IL5RA: variants seen among roughly 807,000 people sequenced by gnomAD.
IL5RA encodes the protein interleukin-5 receptor subunit alpha.
Under a neutral mutation model 50.0 loss-of-function variants are expected in IL5RA, and 49 were observed. That is an observed-to-expected ratio of 0.98 (90% CI 0.78 to 1.24). IL5RA has a LOEUF of 1.24. Ranked by LOEUF, IL5RA falls within the 50% of genes most tolerant of loss-of-function variation. The pLI, the probability that IL5RA is intolerant of heterozygous loss-of-function variation, is 0.00. For synonymous variants in IL5RA, 202 were observed against 174.0 expected, an observed-to-expected ratio of 1.16 and a Z score of -1.26; for missense variants, 600 against 500.4, an observed-to-expected ratio of 1.20 and a Z score of -1.90.
intron 5 of IL5RA, among the ~76,000 whole-genome samples, chr3:3,101,021 A>ATAC (rs1280381401): frequency 1.4e-5 from 2 of 141,872 alleles, no homozygotes; most frequent in African/African-American, 2.6e-5. Flanking sequence ...AATAATAATA[A>ATAC]TACAAAAATT....
At chr3:3,104,691 T>C (rs1375931302) in intron 3 of IL5RA, among the ~76,000 whole-genome samples, 1 of 152,204 alleles carries the variant, frequency 6.6e-6, no homozygotes, top group Non-Finnish European at 1.5e-5. Context: ...TGACTTTGAT[T>C]TCCCACTGTA....
intron 9 of IL5RA, among the ~76,000 whole-genome samples, chr3:3,084,295 C>G (rs1341528884): frequency 6.6e-6 from 1 of 152,110 alleles, no homozygotes; most frequent in Non-Finnish European, 1.5e-5. Flanking sequence ...AAGATAATTT[C>G]CCTTTCATCA....
chr3:3,072,174 G>A (rs1201235189), intron 11 of IL5RA, among the ~76,000 whole-genome samples: 2 of 152,224 alleles, frequency 1.3e-5, no homozygotes, highest in Admixed American at 1.3e-4. Context: ...GCCTCATGGG[G>A]CCCAGCTGTA....
intron 9 of IL5RA, among the ~76,000 whole-genome samples, chr3:3,081,509 G>T (rs538266994): frequency 6.6e-6 from 1 of 152,192 alleles, no homozygotes; most frequent in African/African-American, 2.4e-5. Flanking sequence ...TGTGGGTCCT[G>T]CAGAAAGAAG....
chr3:3,087,370 C>G (rs976079357), intron 9 of IL5RA, among the ~76,000 whole-genome samples: 5 of 152,160 alleles, frequency 3.3e-5, no homozygotes, highest in Non-Finnish European at 5.9e-5. Flanking sequence ...TGGCCAGGGA[C>G]CTTACCAACA....
Position 3,092,491 on chromosome 3 carries a change from C to G in IL5RA, c.856-129G>C. 1 of 841,950 alleles carries G rather than the reference C, an allele frequency of 1.2e-6. No homozygotes were observed. The highest frequency in any genetic ancestry group is 1.9e-6 in the Non-Finnish European group (1 of 527,796). The allele number at this position is 841,950 out of a possible 1,614,324, so 52.2% of individuals were successfully genotyped here. The stretch of plus-strand genomic sequence containing the variant: ...AGCAAGTCCTTTAAAATCAACAGGG[C>G]ACACATTAATTCGTTTATGCTAGGT... On this transcript the variant is annotated intron_variant, in intron 8 of 11. Coordinates refer to ENST00000446632, the MANE Select transcript of IL5RA (RefSeq NM_175726.4). The surrounding 1 kb of genome is among the most constrained non-coding windows in gnomAD (Gnocchi z 4.2).
intron 3 of IL5RA, 46 bp from the exon 4 acceptor site, chr3:3,102,866 A>G (rs768905839): frequency 2.6e-6 from 4 of 1,541,236 alleles, no homozygotes; most frequent in South Asian, 2.4e-5. Context: ...TCAACTGGAC[A>G]TAGGCAGCAC....
At chr3:3,080,676 T>G (rs1263279042) in intron 9 of IL5RA, among the ~76,000 whole-genome samples, 1 of 152,186 alleles carries the variant, frequency 6.6e-6, no homozygotes, top group Non-Finnish European at 1.5e-5. Flanking sequence ...AAGCCCTTTA[T>G]TAAAAACCTA....
At chr3:3,091,917 T>A (rs1382823716) in intron 9 of IL5RA, 1 of 910,352 alleles carries the variant, frequency 1.1e-6, no homozygotes. Flanking sequence ...AGCTTGTGAG[T>A]GTGATAATTA....
At chr3:3,072,155 CTG>C (rs1400928653) in intron 11 of IL5RA, among the ~76,000 whole-genome samples, 1 of 152,246 alleles carries the variant, frequency 6.6e-6, no homozygotes, top group Non-Finnish European at 1.5e-5. Flanking sequence ...GACGTGGAGG[CTG>C]TGCACGGCCT....
At chr3:3,095,261 T>A in intron 8 of IL5RA, 38 bp downstream of exon 8, 1 of 1,491,126 alleles carries the variant, frequency 6.7e-7, no homozygotes, top group East Asian at 2.3e-5. Context: ...CTAAAACAAA[T>A]GTCTGTTATC....
Position 3,102,815 on chromosome 3 carries a change from G to A in IL5RA, c.88C>T (p.Leu30Phe). The A allele has an allele frequency of 5.6e-6, 9 of 1,600,604 alleles. No individual in the cohort carries two copies. The highest frequency in any genetic ancestry group is 6.8e-6 in the Non-Finnish European group (8 of 1,176,130). Residue 30 changes from leucine (L) to phenylalanine (F), a missense_variant, in exon 4 of 12, where the codon CTT becomes TTT. By Grantham distance (22) the Leu-to-Phe change is conservative. Transcript: ENST00000446632. The part of the protein sequence containing the change: ...ADLLPDEKIS[L>F]LPPVNFTIKV... ...ATGGTGAAATTGACAGGTGGGAGAA[G>A]TGAAACTGTTGATTCAAAGAATAAA...
intron 9 of IL5RA, among the ~76,000 whole-genome samples, chr3:3,091,339 A>T (rs1217792456): frequency 6.6e-6 from 1 of 152,212 alleles, no homozygotes; most frequent in African/African-American, 2.4e-5. Context: ...TAAAAGTGTA[A>T]CAAGTGATGA....
At chr3:3,107,719 A>G (rs1214979719) in intron 2 of IL5RA, among the ~76,000 whole-genome samples, 1 of 152,210 alleles carries the variant, frequency 6.6e-6, no homozygotes, top group Non-Finnish European at 1.5e-5. Flanking sequence ...CATTGAGTCA[A>G]TCTAAAATTC....
intron 7 of IL5RA, among the ~76,000 whole-genome samples, chr3:3,096,165 C>G (rs531736960): frequency 6.6e-6 from 1 of 151,872 alleles, no homozygotes; most frequent in African/African-American, 2.4e-5. Context: ...GTAGTCCCAG[C>G]TACTCAGGAG....
At chr3:3,089,978 C>T in intron 9 of IL5RA, 1 of 463,106 alleles carries the variant, frequency 2.2e-6, no homozygotes, top group Non-Finnish European at 3.8e-6. Flanking sequence ...CCTGTCCCAC[C>T]ATGCCAGAGT....
chr3:3,104,259 A>G (rs1703798381), intron 3 of IL5RA, among the ~76,000 whole-genome samples: 1 of 152,144 alleles, frequency 6.6e-6, no homozygotes, highest in South Asian at 2.1e-4. Context: ...GGTGGGTCTC[A>G]AACTTCTGAC....
intron 4 of IL5RA, 121 bp downstream of exon 4, chr3:3,102,554 A>G: frequency 1.5e-6 from 1 of 662,938 alleles, no homozygotes; most frequent in Non-Finnish European, 2.5e-6. Flanking sequence ...TCTACTGGTA[A>G]CATAACATAG....
intron 9 of IL5RA, among the ~76,000 whole-genome samples, chr3:3,080,036 AAAAAG>A (rs570304751): frequency 0.028 from 4,218 of 152,276 alleles, 87 homozygotes; most frequent in Non-Finnish European, 0.039. Flanking sequence ...TGTCTCGAAA[AAAAAG>A]AAAAGAAAAG....
Sources: allele counts gnomAD v4.1 joint callset (sites outside exome capture counted in the v4.1 genomes callset), GRCh38; gene constraint gnomAD v4.1.1; non-coding constraint Gnocchi (gnomAD v3.1); transcripts MANE v1.5; gene names NCBI Gene and HGNC (gene_info 2026-07-23, HGNC 2026-07-21).